The following GAK variants were observed in gnomAD, a reference collection of about 807,000 sequenced individuals.
GAK encodes the protein cyclin G associated kinase.
In GAK, 79 loss-of-function variants were observed where a neutral mutation model predicts 143.9. That is an observed-to-expected ratio of 0.55 (90% CI 0.46 to 0.66). The LOEUF (loss-of-function observed/expected upper bound fraction) is 0.66. Among genes scored for constraint, GAK ranks in the 30% least tolerant of loss-of-function variants. The pLI is 0.00. For synonymous variants in GAK, 881 were observed against 765.5 expected (o/e 1.15, Z -2.49); for missense variants, 1,693 against 1,779.7 (o/e 0.95, Z 0.88).
rs1038758661 is a variant in GAK at position 883,206 on chromosome 4, G to A, written c.1404+109C>T. ...CTCTGCAGCCCCTCAGGAGACCTCC[G>A]GCCGCCCCCATCACAGCCCCACCCT... On this transcript the variant is annotated intron_variant, in intron 13 of 27. Transcript: ENST00000314167. 29 of 1,330,436 alleles carry A rather than the reference G, an allele frequency of 2.2e-5. No individual in the cohort carries two copies. The Admixed American group carries it at 3.0e-4, about 14-fold the overall frequency. 82.4% of individuals were successfully genotyped at this position (1,330,436 alleles called of 1,614,324 possible).
At chr4:876,037 G>A (rs1321225663) in intron 18 of GAK, among the ~76,000 whole-genome samples, 1 of 151,820 alleles carries the variant, frequency 6.6e-6, no homozygotes, top group Non-Finnish European at 1.5e-5. Flanking sequence ...GCAGAGGGCA[G>A]GGTATGCGCT....
chr4:903,196 A>G (rs1211696133), intron 5 of GAK, among the ~76,000 whole-genome samples: 1 of 152,128 alleles, frequency 6.6e-6, no homozygotes, highest in Non-Finnish European at 1.5e-5. Flanking sequence ...CCAGTCTAGA[A>G]GCATCTGTGT....
chr4:853,149 T>C (rs1748486418), intron 24 of GAK: 1 of 152,212 alleles, frequency 6.6e-6, no homozygotes, highest in Non-Finnish European at 1.5e-5. Flanking sequence ...AGTTATGTTC[T>C]AGAAGGGGAC....
rs556853015 is a variant in GAK, at chr4:920,837, C to T, written c.146-7169G>A. On this transcript the variant is annotated intron_variant, in intron 1 of 27. Transcript: ENST00000314167. ...GATTACAGGTGTGAGCCACCATGCC[C>T]GGCCCCAGATACTATTTTGTTAAAA... Among the ~76,000 whole-genome samples, 11 of 152,192 alleles carry T rather than the reference C, an allele frequency of 7.2e-5. No individual in the cohort carries two copies. In the South Asian group the frequency reaches 1.7e-3, roughly 23 times the overall value.
intron 8 of GAK, 37 bp downstream of exon 8, chr4:893,837 G>C: frequency 2.0e-6 from 3 of 1,535,988 alleles, no homozygotes; most frequent in South Asian, 2.5e-5. Context: ...CTGTGCTCCA[G>C]GGTCCTGCCC....
intron 5 of GAK, among the ~76,000 whole-genome samples, chr4:903,914 C>T (rs140904895): frequency 0.01 from 1,543 of 152,382 alleles, 21 homozygotes; most frequent in African/African-American, 0.035. Context: ...GCGGGGCCAT[C>T]CCGGGATCTC....
chr4:860,194 C>T (rs1750023820), intron 23 of GAK, among the ~76,000 whole-genome samples: 6 of 149,096 alleles, frequency 4.0e-5, no homozygotes, highest in South Asian at 4.2e-4. Context: ...AGGGGGGCTG[C>T]GGTGGGAGGA....
intron 24 of GAK, among the ~76,000 whole-genome samples, chr4:856,483 A>G (rs1186216175): frequency 7.5e-6 from 1 of 132,722 alleles, no homozygotes; most frequent in Non-Finnish European, 1.6e-5. Flanking sequence ...TCACCACCAC[A>G]GCTGCTCACA....
chr4:870,276 T>C (rs1339297899), intron 19 of GAK, among the ~76,000 whole-genome samples: 4 of 152,186 alleles, frequency 2.6e-5, no homozygotes, highest in Non-Finnish European at 5.9e-5. Flanking sequence ...CAGCACTTCC[T>C]GGGCTGCCGT....
intron 1 of GAK, among the ~76,000 whole-genome samples, chr4:926,513 G>T (rs931166574): frequency 1.3e-5 from 2 of 152,204 alleles, no homozygotes; most frequent in Non-Finnish European, 1.5e-5. Context: ...CGAGATGGAA[G>T]TAATTATAGT....
At chr4:859,222 T>A (rs1749828620) in intron 24 of GAK, 1 of 1,186,600 alleles carries the variant, frequency 8.4e-7, no homozygotes, top group African/African-American at 1.6e-5. Context: ...GAGGGTGGGC[T>A]CGGTTCTTGT....
intron 24 of GAK, chr4:859,179 C>T: frequency 1.0e-6 from 1 of 984,946 alleles, no homozygotes; most frequent in Non-Finnish European, 1.2e-6. Context: ...ACCACAGCGC[C>T]CGGGCCGGGC....
At chr4:910,994 C>T (rs904980182) in intron 4 of GAK, among the ~76,000 whole-genome samples, 2 of 152,110 alleles carry the variant, frequency 1.3e-5, no homozygotes, top group Non-Finnish European at 2.9e-5. Context: ...GCGTGGGCTC[C>T]GGTGACACCA....
intron 15 of GAK, 42 bp downstream of exon 15, chr4:881,865 G>T (rs755756761): frequency 6.5e-7 from 1 of 1,531,732 alleles, no homozygotes; most frequent in African/African-American, 1.4e-5. Flanking sequence ...TGCCACACGG[G>T]CCCACAGAGC....
chr4:873,047 C>T (rs1713046377), intron 18 of GAK, among the ~76,000 whole-genome samples: 2 of 152,166 alleles, frequency 1.3e-5, no homozygotes, highest in Admixed American at 6.5e-5. Context: ...GCAGGGAACA[C>T]GCCTCTCGCC....
At chr4:886,455 C>G (rs1716349231) in intron 11 of GAK, 2 of 152,262 alleles carry the variant, frequency 1.3e-5, no homozygotes, top group African/African-American at 4.8e-5. Context: ...AGGGAGGACT[C>G]TGGAGCTGTG....
chr4:854,854 A>G lies in GAK; in HGVS notation c.3284-2880T>C, dbSNP rs187925769. Reference sequence around the variant, plus strand: ...AGGTCAGGAGATCAAGACCATCCTGACTAACACGGTGAAACCCCATCTCTA... The same window carrying G: ...AGGTCAGGAGATCAAGACCATCCTGGCTAACACGGTGAAACCCCATCTCTA... On this transcript the variant is annotated intron_variant, in intron 24 of 27. Coordinates refer to ENST00000314167, the MANE Select transcript of GAK (RefSeq NM_005255.4). 3.2e-4 allele frequency among the ~76,000 whole-genome samples: 49 copies of G among 152,206 alleles called. No individual in the cohort carries two copies. The East Asian group carries it at 3.5e-3, about 11-fold the overall frequency.
chr4:895,112 G>A (rs994932075), intron 7 of GAK, among the ~76,000 whole-genome samples: 4 of 152,202 alleles, frequency 2.6e-5, no homozygotes, highest in African/African-American at 9.7e-5. Flanking sequence ...CTATGCGAGG[G>A]GCAAGGCACC....
chr4:879,931 T>C (rs1224476172), intron 15 of GAK, among the ~76,000 whole-genome samples: 1 of 152,260 alleles, frequency 6.6e-6, no homozygotes, highest in Non-Finnish European at 1.5e-5. Context: ...GAAGGCGTTC[T>C]CATTTCGGGG....
Sources: gnomAD v4.1 joint callset for allele counts (sites outside exome capture counted in the v4.1 genomes callset) on GRCh38, gnomAD v4.1.1 for gene constraint, MANE v1.5 for transcripts, NCBI Gene and HGNC (gene_info 2026-07-23, HGNC 2026-07-21) for gene names.